Variants in RALA observed in about 807,000 individuals in gnomAD.
RALA encodes the protein RAS like proto-oncogene A, also known as ras-related protein Ral-A.
In RALA, 5 loss-of-function variants were observed where a neutral mutation model predicts 24.0. That is an observed-to-expected ratio of 0.21 (90% CI 0.11 to 0.44). The LOEUF (loss-of-function observed/expected upper bound fraction) is 0.44, where lower values mean the gene tolerates loss of function less well. RALA is among the 20% of genes least tolerant of loss of function. RALA has a pLI of 0.99. For synonymous variants in RALA, 77 were observed against 83.8 expected, an observed-to-expected ratio of 0.92 and a Z score of 0.44; for missense variants, 95 against 241.2, an observed-to-expected ratio of 0.39 and a Z score of 4.01.
chr7:39,633,775 C>A (rs1276255504), intron 1 of RALA, among the ~76,000 whole-genome samples: 1 of 152,104 alleles, frequency 6.6e-6, no homozygotes. Flanking sequence ...TATGCGAATC[C>A]ACTCATCTGG....
intron 1 of RALA, among the ~76,000 whole-genome samples, chr7:39,685,388 C>T (rs1792679720): frequency 6.6e-6 from 1 of 152,152 alleles, no homozygotes; most frequent in Non-Finnish European, 1.5e-5. Flanking sequence ...CAGGAGGGGG[C>T]GTGGTTCTGG....
intron 4 of RALA, among the ~76,000 whole-genome samples, chr7:39,698,204 G>A (rs1792956566): frequency 6.6e-6 from 1 of 152,058 alleles, no homozygotes; most frequent in Non-Finnish European, 1.5e-5. Context: ...CCCTACCCTA[G>A]TGACGTAATT....
At chr7:39,651,691 C>G (rs1297465957) in intron 1 of RALA, among the ~76,000 whole-genome samples, 5 of 151,960 alleles carry the variant, frequency 3.3e-5, no homozygotes, top group Non-Finnish European at 7.4e-5. Context: ...TCAGATTACT[C>G]TTAGTGAAAT....
At chr7:39,625,699 G>T (rs1253185765) in intron 1 of RALA, among the ~76,000 whole-genome samples, 1 of 152,196 alleles carries the variant, frequency 6.6e-6, no homozygotes, top group Non-Finnish European at 1.5e-5. Context: ...TTCTTCACAG[G>T]GCTTTCCAAA....
chr7:39,645,873 G>A (rs1432803935), intron 1 of RALA, among the ~76,000 whole-genome samples: 1 of 152,134 alleles, frequency 6.6e-6, no homozygotes, highest in Non-Finnish European at 1.5e-5. Context: ...TTCCTAAGGG[G>A]TGAAGAGGGG....
At chr7:39,636,225 T>C (rs1222132072) in intron 1 of RALA, among the ~76,000 whole-genome samples, 3 of 152,198 alleles carry the variant, frequency 2.0e-5, no homozygotes, top group Non-Finnish European at 2.9e-5. Context: ...TGTATATACC[T>C]AGGAGTGGAA....
At chr7:39,703,487 T>G (rs1165418595) in intron 4 of RALA, among the ~76,000 whole-genome samples, 1 of 152,244 alleles carries the variant, frequency 6.6e-6, no homozygotes, top group African/African-American at 2.4e-5. Flanking sequence ...CATTCATCTT[T>G]GATAGTTTCG....
chr7:39,702,320 G>T (rs1473388203), intron 4 of RALA, among the ~76,000 whole-genome samples: 1 of 152,116 alleles, frequency 6.6e-6, no homozygotes, highest in African/African-American at 2.4e-5. Flanking sequence ...CTAAGGGAAA[G>T]TTTGCATTTG....
chr7:39,702,479 A>G (rs1287422525), intron 4 of RALA, among the ~76,000 whole-genome samples: 1 of 152,242 alleles, frequency 6.6e-6, no homozygotes, highest in African/African-American at 2.4e-5. Flanking sequence ...CACTGCATAT[A>G]GATGTATCCA....
At chr7:39,681,838 T>C (rs1316059414) in intron 1 of RALA, among the ~76,000 whole-genome samples, 1 of 152,206 alleles carries the variant, frequency 6.6e-6, no homozygotes, top group Non-Finnish European at 1.5e-5. Context: ...TGTTCAACTC[T>C]AGTTGAAATG....
chr7:39,690,342 C>A (rs772714405), intron 2 of RALA, 40 bp from the exon 3 acceptor site: 1 of 1,519,386 alleles, frequency 6.6e-7, no homozygotes, highest in Non-Finnish European at 9.0e-7. Context: ...AGTTTTGAAA[C>A]GTAATAATTA....
intron 1 of RALA, among the ~76,000 whole-genome samples, chr7:39,674,298 C>A (rs1225441500): frequency 6.6e-6 from 1 of 152,104 alleles, no homozygotes; most frequent in African/African-American, 2.4e-5. Flanking sequence ...TAATCTATTT[C>A]TACTTGTTTT....
intron 1 of RALA, among the ~76,000 whole-genome samples, chr7:39,681,749 C>A (rs781395426): frequency 2.0e-5 from 3 of 152,098 alleles, no homozygotes; most frequent in South Asian, 2.1e-4. Context: ...CTTCAAATAT[C>A]ATCTGTAAAC....
chr7:39,682,885 C>T (rs1259675192), intron 1 of RALA, among the ~76,000 whole-genome samples: 2 of 152,140 alleles, frequency 1.3e-5, no homozygotes, highest in Non-Finnish European at 2.9e-5. Flanking sequence ...AGTGATCCGC[C>T]CACCTCGGCC....
chr7:39,691,159 T>C (rs1272664762), intron 3 of RALA, among the ~76,000 whole-genome samples: 2 of 152,194 alleles, frequency 1.3e-5, no homozygotes, highest in Non-Finnish European at 2.9e-5. Context: ...TTTTTTATTA[T>C]TTATTGTTTA....
At chr7:39,684,712 T>TAAA (rs34582850) in intron 1 of RALA, among the ~76,000 whole-genome samples, 5 of 110,402 alleles carry the variant, frequency 4.5e-5, no homozygotes, top group African/African-American at 7.2e-5. Context: ...GCTGATGAGC[T>TAAA]AAAAAAAAAA....
chr7:39,642,321 A>G lies in RALA; in HGVS notation c.-38+18496A>G, dbSNP rs554516312. 2.0e-5 allele frequency among the ~76,000 whole-genome samples: 3 copies of G among 152,296 alleles called. No homozygotes were observed. The East Asian group carries it at 5.8e-4, about 29-fold the overall frequency. ...GGCTTCCAGGGGTGGGAAACGGTGG[A>G]AAGGTAAAGATATAGGGGGAAAGTA... is the stretch of plus-strand genomic sequence containing the variant. On this transcript the variant is annotated intron_variant, in intron 1 of 4. Transcript: ENST00000005257.
chr7:39,642,752 T>C (rs1791842105), intron 1 of RALA, among the ~76,000 whole-genome samples: 1 of 152,248 alleles, frequency 6.6e-6, no homozygotes, highest in Admixed American at 6.5e-5. Context: ...GAGCAGCATT[T>C]AGTAGACGTA....
intron 4 of RALA, among the ~76,000 whole-genome samples, chr7:39,699,277 A>T (rs1306811680): frequency 6.7e-6 from 1 of 149,838 alleles, no homozygotes; most frequent in Non-Finnish European, 1.5e-5. Context: ...AGTAGCTGGG[A>T]CTACAGGCGC....
Sources: gnomAD v4.1 joint callset for allele counts (sites outside exome capture counted in the v4.1 genomes callset) on GRCh38, gnomAD v4.1.1 for gene constraint, MANE v1.5 for transcripts, NCBI Gene and HGNC (gene_info 2026-07-23, HGNC 2026-07-21) for gene names.